The following ECM2 variants were observed in gnomAD, a reference collection of about 807,000 sequenced individuals.
ECM2 encodes the protein extracellular matrix protein 2.
In ECM2, 57 loss-of-function variants were observed where a neutral mutation model predicts 67.5. The observed-to-expected ratio is 0.84, with a 90% confidence interval of 0.68 to 1.05. The LOEUF (loss-of-function observed/expected upper bound fraction) is 1.05. Ranked by LOEUF, ECM2 falls within the 50% of genes least tolerant of loss-of-function variation. ECM2 has a pLI of 0.00. For missense variants in ECM2, 741 were observed against 822.8 expected (o/e 0.90, Z 1.22); for synonymous variants, 258 against 294.5 (o/e 0.88, Z 1.27).
chr9:92,545,412 G>T, the ECM2 span, among the ~76,000 whole-genome samples: 1 of 152,190 alleles, frequency 6.6e-6, no homozygotes, highest in Non-Finnish European at 1.5e-5. Context: ...TGCGGAGGGT[G>T]CGTCGGGTAC....
At chr9:92,493,957 G>A (rs1039595297), downstream of ECM2, 60 of 774,442 alleles carry the variant, frequency 7.7e-5, no homozygotes, top group Middle Eastern at 3.0e-4. Context: ...AATCCAGGCC[G>A]TTGAGGGTGG....
chr9:92,516,383 C>A (rs1847723213), intron 3 of ECM2, among the ~76,000 whole-genome samples: 1 of 152,080 alleles, frequency 6.6e-6, no homozygotes, highest in Non-Finnish European at 1.5e-5. Context: ...CGTTTTCTTC[C>A]ATCAAGATTT....
the ECM2 span, among the ~76,000 whole-genome samples, chr9:92,553,792 T>C: frequency 1.3e-5 from 2 of 152,214 alleles, no homozygotes; most frequent in African/African-American, 4.8e-5. Context: ...CTAAATTCTT[T>C]GATCAGTTCT....
intron 2 of ECM2, among the ~76,000 whole-genome samples, chr9:92,520,065 T>TTTTTTTTTTTTTTTTTTTGA (rs1427229245): frequency 6.8e-6 from 1 of 146,738 alleles, no homozygotes; most frequent in Non-Finnish European, 1.5e-5. Flanking sequence ...GAAGATTTCT[T>TTTTTTTTTTTTTTTTTTTGA]GAGGCCAGGA....
At chr9:92,510,753 A>G (rs1847283507) in intron 5 of ECM2, among the ~76,000 whole-genome samples, 1 of 152,254 alleles carries the variant, frequency 6.6e-6, no homozygotes, top group African/African-American at 2.4e-5. Flanking sequence ...TGGGACAGAG[A>G]ATTCCAAAGC....
chr9:92,543,425 T>A, the ECM2 span, among the ~76,000 whole-genome samples: 1 of 120,502 alleles, frequency 8.3e-6, no homozygotes, highest in African/African-American at 3.3e-5. Context: ...TGAGCAGAAA[T>A]CTCACCACTG....
intron 3 of ECM2, 133 bp from the exon 4 acceptor site, chr9:92,515,336 C>T: frequency 8.3e-7 from 1 of 1,204,284 alleles, no homozygotes; most frequent in South Asian, 3.3e-5. Context: ...ATGAAATGCA[C>T]CTTGAAATTC....
chr9:92,510,638 C>T (rs1847275269), intron 5 of ECM2, among the ~76,000 whole-genome samples: 1 of 152,220 alleles, frequency 6.6e-6, no homozygotes, highest in South Asian at 2.1e-4. Context: ...CAAACCTAGC[C>T]TGTACCCCCA....
intron 2 of ECM2, among the ~76,000 whole-genome samples, chr9:92,518,483 T>C (rs1375547583): frequency 6.6e-6 from 1 of 152,218 alleles, no homozygotes; most frequent in Non-Finnish European, 1.5e-5. Context: ...CACATGGGAA[T>C]AGGTGAAACC....
chr9:92,496,340 A>C lies in ECM2; in HGVS notation c.2075T>G (p.Val692Gly). ...TTACTTGATGTTTTGTGGTTTAAGA[A>C]CGATACTTGAGTATGATCTTATGCA... ...FSCIRSYSSI[V>G]LKPQNIK The change falls in exon 10 of 10, where the codon GTT becomes GGT. Residue 692 changes from valine to glycine, a missense_variant. Val to Gly is a moderately radical substitution (Grantham distance 109). Coordinates refer to ENST00000344604, the MANE Select transcript of ECM2 (RefSeq NM_001393.4). 6.3e-7 allele frequency: 1 copy of C among 1,594,126 alleles called. No individual in the cohort carries two copies. Among genetic ancestry groups the C allele is most frequent in the East Asian group, 2.3e-5 (1 of 44,196 alleles).
At chr9:92,510,158 C>T in intron 5 of ECM2, 124 bp from the exon 6 acceptor site, 1 of 1,028,552 alleles carries the variant, frequency 9.7e-7, no homozygotes, top group Non-Finnish European at 1.3e-6. Context: ...CAGTAATGTC[C>T]AGGCCACACA....
the ECM2 span, among the ~76,000 whole-genome samples, chr9:92,555,108 TTCTC>T: frequency 2.0e-5 from 3 of 152,024 alleles, no homozygotes; most frequent in African/African-American, 7.3e-5. Flanking sequence ...GGTTCCTTCT[TTCTC>T]TATCTTACAG....
intron 2 of ECM2, 29 bp from the exon 3 acceptor site, chr9:92,517,904 A>G (rs1554680336): frequency 6.2e-7 from 1 of 1,612,710 alleles, no homozygotes; most frequent in Non-Finnish European, 8.5e-7. Flanking sequence ...ACAAATTTAA[A>G]TTTCTTATGT....
At chr9:92,510,945 G>A (rs1208796921) in intron 5 of ECM2, among the ~76,000 whole-genome samples, 3 of 152,204 alleles carry the variant, frequency 2.0e-5, no homozygotes, top group Non-Finnish European at 4.4e-5. Context: ...GAAGAGACCA[G>A]TGATTTGTCT....
chr9:92,504,433 T>C (rs1458596932), intron 7 of ECM2, among the ~76,000 whole-genome samples: 1 of 152,184 alleles, frequency 6.6e-6, no homozygotes, highest in Non-Finnish European at 1.5e-5. Context: ...TGGATGATCA[T>C]GTGGTCTAGG....
chr9:92,545,414 G>A, the ECM2 span, among the ~76,000 whole-genome samples: 2 of 152,182 alleles, frequency 1.3e-5, no homozygotes, highest in African/African-American at 4.8e-5. Flanking sequence ...CGGAGGGTGC[G>A]TCGGGTACCC....
At chr9:92,514,224 G>A (rs1313766326) in intron 4 of ECM2, among the ~76,000 whole-genome samples, 1 of 148,906 alleles carries the variant, frequency 6.7e-6, no homozygotes, top group Non-Finnish European at 1.5e-5. Flanking sequence ...AGCCTCCTGA[G>A]TAGCTGGGAC....
the ECM2 span, among the ~76,000 whole-genome samples, chr9:92,543,314 A>T: frequency 6.6e-6 from 1 of 151,996 alleles, no homozygotes; most frequent in Non-Finnish European, 1.5e-5. Context: ...TCTATCAAAA[A>T]ATACAAAAAT....
chr9:92,498,409 C>A (rs1846481580), intron 9 of ECM2, among the ~76,000 whole-genome samples: 1 of 151,620 alleles, frequency 6.6e-6, no homozygotes, highest in Non-Finnish European at 1.5e-5. Flanking sequence ...TGTAACAAAC[C>A]TGCACGTTGT....
Sources: gnomAD v4.1 joint callset for allele counts (sites outside exome capture counted in the v4.1 genomes callset) on GRCh38, gnomAD v4.1.1 for gene constraint, MANE v1.5 for transcripts, NCBI Gene and HGNC (gene_info 2026-07-23, HGNC 2026-07-21) for gene names.